The following ASS1 variants were observed in gnomAD, a reference collection of about 807,000 sequenced individuals.
ASS1 encodes argininosuccinate synthase.
Under a neutral mutation model 60.5 loss-of-function variants are expected in ASS1, and 58 were observed. The observed-to-expected ratio is 0.96, with a 90% CI of 0.78 to 1.19. ASS1 has a LOEUF of 1.19. Among genes scored for constraint, ASS1 ranks in the 50% most tolerant of loss-of-function variants. The pLI is 0.00. For synonymous variants in ASS1, 200 were observed against 206.9 expected (o/e 0.97, Z 0.29); for missense variants, 454 against 547.3 (o/e 0.83, Z 1.70).
In ASS1 at chr9:130,470,080, G is replaced by A. The variant is rs1000040724; in HGVS notation, c.496-754G>A. ...CTGGATTCCAGTCGGGCGTCATCAA[G>A]GGTGGTGCGGGTCCCCAGGGCGACA... On this transcript the variant is annotated intron_variant, in intron 6 of 14. Transcript: ENST00000352480. The surrounding 1 kb of genome is among the most constrained non-coding windows in gnomAD (Gnocchi z 4.3). Among the ~76,000 whole-genome samples, 2 of 152,188 alleles carry A rather than the reference G, an allele frequency of 1.3e-5. No homozygotes were observed. The highest frequency in any genetic ancestry group is 2.9e-5 in the Non-Finnish European group (2 of 68,032).
intron 13 of ASS1, among the ~76,000 whole-genome samples, chr9:130,499,149 G>A (rs1189456885): frequency 6.6e-6 from 1 of 152,148 alleles, no homozygotes; most frequent in Non-Finnish European, 1.5e-5. Flanking sequence ...AGTCCCAAGG[G>A]CACAGCTGGC....
Position 130,479,818 on chromosome 9 carries a change from T to C in ASS1, c.773+18T>C, listed in dbSNP as rs767221799. On this transcript the variant is annotated intron_variant, in intron 10 of 14. Coordinates refer to ENST00000352480, the MANE Select transcript of ASS1 (RefSeq NM_054012.4). ...GAAGTCGCGTGAGTGTCTGCAGCCCTGTCCGGCCTCTTGGGAACCGCCGTC... is the reference window on the plus strand; with the variant it reads ...GAAGTCGCGTGAGTGTCTGCAGCCCCGTCCGGCCTCTTGGGAACCGCCGTC... 3 of 1,610,708 alleles carry C rather than the reference T, an allele frequency of 1.9e-6. No homozygotes were observed. Among genetic ancestry groups the C allele is most frequent in the Non-Finnish European group, 2.5e-6 (3 of 1,176,838 alleles).
At chr9:130,482,473 G>T (rs1846197872) in intron 11 of ASS1, among the ~76,000 whole-genome samples, 1 of 151,834 alleles carries the variant, frequency 6.6e-6, no homozygotes, top group Admixed American at 6.6e-5. Flanking sequence ...GCTGCTTGCA[G>T]GCACTACCAA....
intron 11 of ASS1, among the ~76,000 whole-genome samples, chr9:130,482,218 T>C (rs1846188931): frequency 6.6e-6 from 1 of 151,660 alleles, no homozygotes; most frequent in Non-Finnish European, 1.5e-5. Flanking sequence ...TCATGTATGG[T>C]GGCAGGAACT....
intron 1 of ASS1, among the ~76,000 whole-genome samples, chr9:130,447,926 T>C (rs1845232857): frequency 6.6e-6 from 1 of 152,070 alleles, no homozygotes; most frequent in Non-Finnish European, 1.5e-5. Flanking sequence ...CACCCAATCC[T>C]TACAGTCGCC....
rs761408245 is a variant in ASS1 at position 130,454,331 on chromosome 9, C to T, written c.132C>T (p.Phe44=). The T allele has an allele frequency of 2.1e-5, 34 of 1,612,886 alleles. No homozygotes were observed. Among genetic ancestry groups the T allele is most frequent in the Admixed American group, 6.7e-5 (4 of 59,948 alleles). ...CCAACATTGGCCAGAAGGAAGACTT[C>T]GAGGAAGCCAGGAAGAAGGCACTGA... ...YLANIGQKED[F]EEARKKALKL... The change falls in exon 3 of 15, where the codon TTC becomes TTT. Residue 44 remains phenylalanine (F), a synonymous_variant. Coordinates refer to ENST00000352480, the MANE Select transcript of ASS1 (RefSeq NM_054012.4).
At chr9:130,496,743 C>T (rs376109409) in intron 13 of ASS1, among the ~76,000 whole-genome samples, 22 of 152,234 alleles carry the variant, frequency 1.4e-4, no homozygotes, top group Admixed American at 4.6e-4. Flanking sequence ...AACGATTGGC[C>T]ACTCCTGTGT....
chr9:130,493,407 AG>A (rs1426123413), intron 12 of ASS1, among the ~76,000 whole-genome samples: 1 of 152,248 alleles, frequency 6.6e-6, no homozygotes, highest in African/African-American at 2.4e-5. Flanking sequence ...ACCGAGGCAC[AG>A]GGAGGTTAAT....
At chr9:130,493,707 T>G (rs1205560378) in intron 12 of ASS1, among the ~76,000 whole-genome samples, 2 of 152,116 alleles carry the variant, frequency 1.3e-5, no homozygotes, top group African/African-American at 4.8e-5. Context: ...CAGGCTCCAT[T>G]TCAGGAAACT....
intron 8 of ASS1, among the ~76,000 whole-genome samples, chr9:130,472,789 C>T (rs952555500): frequency 1.4e-4 from 22 of 152,292 alleles, no homozygotes; most frequent in Non-Finnish European, 2.6e-4. Flanking sequence ...GCAGGGAGGC[C>T]GAGCCTGCAG....
At chr9:130,465,053 TATA>T (rs1236452679) in intron 5 of ASS1, among the ~76,000 whole-genome samples, 11,293 of 109,864 alleles carry the variant, frequency 0.1, 529 homozygotes, top group African/African-American at 0.19. Flanking sequence ...TATATATATA[TATA>T]TTTTTTTTTT....
At chr9:130,452,384 C>T in intron 2 of ASS1, 51 bp downstream of exon 2, 1 of 1,504,268 alleles carries the variant, frequency 6.6e-7, no homozygotes, top group South Asian at 1.1e-5. Context: ...GCAACCTGTC[C>T]TGTCTGCCCC....
Position 130,500,928 on chromosome 9 carries a change from T to C in ASS1, c.1194-48T>C, listed in dbSNP as rs776020047. The C allele has an allele frequency of 3.8e-6, 6 of 1,584,378 alleles. No individual in the cohort carries two copies. The East Asian group carries it at 9.0e-5, about 24-fold the overall frequency. On this transcript the variant is annotated intron_variant, in intron 14 of 14. Transcript: ENST00000352480. ...CTGAATTAATTGAACCCAGTGTGTG[T>C]TGTTATTGTTAATTTACATTTTTCT...
chr9:130,464,022 G>T, intron 4 of ASS1, 89 bp from the exon 5 acceptor site: 2 of 1,433,336 alleles, frequency 1.4e-6, no homozygotes, highest in Non-Finnish European at 2.0e-6. Context: ...CTCTGTCTCC[G>T]CCACGGGCTG....
intron 1 of ASS1, 124 bp from the exon 2 acceptor site, chr9:130,452,100 A>G: frequency 1.2e-6 from 1 of 822,248 alleles, no homozygotes; most frequent in African/African-American, 1.7e-5. Flanking sequence ...CCCGACCTTC[A>G]GTGGCAGCTT....
intron 6 of ASS1, among the ~76,000 whole-genome samples, chr9:130,467,001 C>G (rs186094891): frequency 1.7e-4 from 26 of 152,362 alleles, no homozygotes; most frequent in Admixed American, 1.4e-3. Flanking sequence ...ATCTGCCAGC[C>G]CGTTGCCAGG....
At position 130,466,491 on chromosome 9, in the gene ASS1, C is replaced by A. The variant is rs142546187; in HGVS notation, c.421-234C>A. The A allele has an allele frequency of 1.7e-3, 987 of 595,336 alleles. 5 individuals carry two copies. Among genetic ancestry groups the A allele is most frequent in the Admixed American group, 3.1e-3 (113 of 36,164 alleles). The allele number at this position is 595,336 out of a possible 1,614,324, so 36.9% of individuals were successfully genotyped here. ...AACAGGGACCCCCTTCTCACCCCAA[C>A]ACACCACCATTCTGCCATGGAGTGC... On this transcript the variant is annotated intron_variant, in intron 5 of 14. Transcript: ENST00000352480.
At chr9:130,498,717 A>G (rs959757015) in intron 13 of ASS1, among the ~76,000 whole-genome samples, 25 of 152,224 alleles carry the variant, frequency 1.6e-4, no homozygotes, top group African/African-American at 5.8e-4. Flanking sequence ...CTCCGAGTGC[A>G]GGAATACTGG....
At chr9:130,445,855 C>T (rs1845182354) in intron 1 of ASS1, among the ~76,000 whole-genome samples, 1 of 152,166 alleles carries the variant, frequency 6.6e-6, no homozygotes, top group South Asian at 2.1e-4. Flanking sequence ...CTGCAGGTCT[C>T]AGGGCAGGAA....
Sources: allele counts gnomAD v4.1 joint callset (sites outside exome capture counted in the v4.1 genomes callset), GRCh38; gene constraint gnomAD v4.1.1; non-coding constraint Gnocchi (gnomAD v3.1); transcripts MANE v1.5; gene names NCBI Gene and HGNC (gene_info 2026-07-23, HGNC 2026-07-21).